Variants in STON2 observed in about 807,000 individuals in gnomAD.
STON2 encodes stonin 2, also known as stonin-2.
STON2 carries 29 observed loss-of-function variants against 65.7 expected under a neutral mutation model. The observed-to-expected ratio is 0.44, with a 90% confidence interval of 0.33 to 0.60. The LOEUF (loss-of-function observed/expected upper bound fraction) is 0.60. STON2 is among the 20% of genes least tolerant of loss of function. The probability of loss-of-function intolerance (pLI) is 0.03; values close to 1 mark genes in which losing one functional copy is unlikely to be tolerated. For synonymous variants in STON2, 404 were observed against 414.2 expected, an observed-to-expected ratio of 0.98 and a Z score of 0.30; for missense variants, 1,054 against 1,118.1, an observed-to-expected ratio of 0.94 and a Z score of 0.82.
intron 3 of STON2, among the ~76,000 whole-genome samples, chr14:81,376,829 G>A (rs1205770266): frequency 6.6e-6 from 1 of 152,118 alleles, no homozygotes; most frequent in African/African-American, 2.4e-5. Context: ...TTTATACAAG[G>A]TTGGTTTAAC....
intron 5 of STON2, among the ~76,000 whole-genome samples, chr14:81,295,475 G>A (rs138654474): frequency 6.6e-6 from 1 of 152,326 alleles, no homozygotes; most frequent in African/African-American, 2.4e-5. Context: ...GATGAAAGAG[G>A]TCATGGCTTT....
chr14:81,324,399 A>AT (rs578170401), intron 4 of STON2, among the ~76,000 whole-genome samples: 140 of 152,384 alleles, frequency 9.2e-4, no homozygotes, highest in African/African-American at 3.1e-3. Flanking sequence ...AGGGAGGCAA[A>AT]TAACACTTGG....
intron 2 of STON2, among the ~76,000 whole-genome samples, chr14:81,409,858 C>T (rs1221076545): frequency 6.6e-6 from 1 of 152,228 alleles, no homozygotes; most frequent in Admixed American, 6.5e-5. Flanking sequence ...ATTCCTATTC[C>T]TGCTTTCCTA....
chr14:81,262,917 A>G lies in STON2; in HGVS notation c.*5497T>C. ...AATATGAGTCATGATATCTAAAGCC[A>G]GTCTCATTTAAACAAGATAAGAAAT... On this transcript the variant is annotated 3_prime_UTR_variant, in exon 8 of 8. Transcript: ENST00000614646. The G allele has an allele frequency of 2.0e-6, 2 of 985,468 alleles. No individual in the cohort carries two copies. The highest frequency in any genetic ancestry group is 2.4e-6 in the Non-Finnish European group (2 of 829,926). The allele number at this position is 985,468 out of a possible 1,614,324, so 61.0% of individuals were successfully genotyped here. A position where few individuals can be genotyped will look rare whatever the true frequency, so the allele number is the denominator to read the frequency against.
At chr14:81,350,562 A>AT (rs1215393599) in intron 4 of STON2, among the ~76,000 whole-genome samples, 5 of 152,104 alleles carry the variant, frequency 3.3e-5, no homozygotes, top group African/African-American at 1.2e-4. Flanking sequence ...TTTTTAAACA[A>AT]TTCACAGAAT....
At chr14:81,392,273 T>C (rs1167874397) in intron 3 of STON2, among the ~76,000 whole-genome samples, 2 of 152,112 alleles carry the variant, frequency 1.3e-5, no homozygotes, top group African/African-American at 2.4e-5. Context: ...CTGCGGAAGT[T>C]TGTGCCACTT....
chr14:81,410,135 C>A (rs772279609), intron 2 of STON2, among the ~76,000 whole-genome samples: 2 of 151,998 alleles, frequency 1.3e-5, no homozygotes, highest in Admixed American at 6.6e-5. Flanking sequence ...AAGAGAATAA[C>A]AGTCATTGGC....
At position 81,411,906 on chromosome 14, in the gene STON2, G is replaced by GA. The variant is rs1447015955; in HGVS notation, c.-198-13327_-198-13326insT. Among the ~76,000 whole-genome samples the GA allele has an allele frequency of 3.7e-4, 36 of 98,296 alleles. 1 individual carries two copies. The highest frequency in any genetic ancestry group is 9.4e-4 in the African/African-American group (16 of 17,018). 64.5% of individuals were successfully genotyped at this position (98,296 alleles called of 152,430 possible). On this transcript the variant is annotated intron_variant, in intron 2 of 8. Coordinates refer to the STON2 transcript ENST00000553821. ...TCTTATACATAGAGTGACAGAAGAT[G>GA]TCTCTGAAGAGGTGACATTTAACTA...
chr14:81,435,138 A>C (rs1432252810), intron 1 of STON2, among the ~76,000 whole-genome samples: 1 of 152,236 alleles, frequency 6.6e-6, no homozygotes, highest in Non-Finnish European at 1.5e-5. Context: ...CAAAGGTCAC[A>C]AAGCTTTTCT....
At chr14:81,292,712 G>A (rs1895606083) in intron 5 of STON2, among the ~76,000 whole-genome samples, 1 of 152,166 alleles carries the variant, frequency 6.6e-6, no homozygotes. Flanking sequence ...GTCTTGGGCA[G>A]TTCTTTATAG....
chr14:81,294,064 C>T (rs566344622), intron 5 of STON2, among the ~76,000 whole-genome samples: 42 of 152,278 alleles, frequency 2.8e-4, no homozygotes, highest in African/African-American at 1.0e-3. Flanking sequence ...AAATTGGCTT[C>T]TGTTACTTGC....
intron 3 of STON2, among the ~76,000 whole-genome samples, chr14:81,382,892 C>T (rs985510202): frequency 6.6e-6 from 1 of 152,330 alleles, no homozygotes; most frequent in Middle Eastern, 3.4e-3. Flanking sequence ...CTGCCTCTCA[C>T]AAACTGTTCT....
At chr14:81,369,613 T>C (rs1442600199) in intron 4 of STON2, among the ~76,000 whole-genome samples, 1 of 152,200 alleles carries the variant, frequency 6.6e-6, no homozygotes, top group Non-Finnish European at 1.5e-5. Flanking sequence ...ACATAAACTG[T>C]CTCATTTGGA....
At chr14:81,306,002 T>C (rs1191016470) in intron 5 of STON2, among the ~76,000 whole-genome samples, 1 of 152,012 alleles carries the variant, frequency 6.6e-6, no homozygotes, top group Non-Finnish European at 1.5e-5. Flanking sequence ...CAAGAGCTGA[T>C]CTAGCTCTGG....
chr14:81,358,476 A>C (rs183234095), intron 4 of STON2, among the ~76,000 whole-genome samples: 1 of 152,318 alleles, frequency 6.6e-6, no homozygotes, highest in Admixed American at 6.5e-5. Flanking sequence ...AAGTCAGAAG[A>C]AAGGAAGGAA....
intron 2 of STON2, among the ~76,000 whole-genome samples, chr14:81,424,776 G>A (rs1352310621): frequency 6.6e-6 from 1 of 152,126 alleles, no homozygotes; most frequent in Non-Finnish European, 1.5e-5. Context: ...TTCCCACCAT[G>A]TATGCCTATT....
At chr14:81,338,831 C>T (rs72701728) in intron 4 of STON2, among the ~76,000 whole-genome samples, 20,493 of 152,108 alleles carry the variant, frequency 0.13, 1,592 homozygotes, top group South Asian at 0.24. Flanking sequence ...AGAGTAAGAG[C>T]GAGAGAAACA....
At chr14:81,395,846 C>T (rs373335853) in intron 3 of STON2, 48 bp downstream of exon 3, 1 of 1,595,560 alleles carries the variant, frequency 6.3e-7, no homozygotes, top group African/African-American at 1.3e-5. Context: ...CACTGAAAAG[C>T]ATCCCTGCTG....
chr14:81,299,875 G>A (rs956515014), intron 5 of STON2, among the ~76,000 whole-genome samples: 61 of 120,776 alleles, frequency 5.1e-4, no homozygotes, highest in African/African-American at 2.1e-3. Context: ...TTGTTAAGAT[G>A]GAAAAAAAAT....
Sources: gnomAD v4.1 joint callset for allele counts (sites outside exome capture counted in the v4.1 genomes callset) on GRCh38, gnomAD v4.1.1 for gene constraint, MANE v1.5 for transcripts, NCBI Gene and HGNC (gene_info 2026-07-23, HGNC 2026-07-21) for gene names.